Variants in NFAT5 observed in about 807,000 individuals in gnomAD.
NFAT5 encodes nuclear factor of activated T cells 5.
In NFAT5, 31 loss-of-function variants were observed where a neutral mutation model predicts 166.5. The ratio of observed to expected loss-of-function variants is 0.19; its 90% CI spans 0.14 to 0.25. NFAT5 has a LOEUF of 0.25. Among genes scored for constraint, NFAT5 ranks in the 10% least tolerant of loss-of-function variants. NFAT5 has a pLI of 1.00. For synonymous variants in NFAT5, 612 were observed against 639.7 expected, an observed-to-expected ratio of 0.96 and a Z score of 0.65; for missense variants, 1,449 against 1,821.8, an observed-to-expected ratio of 0.80 and a Z score of 3.72.
intron 3 of NFAT5, among the ~76,000 whole-genome samples, chr16:69,627,097 A>G (rs1049068800): frequency 2.6e-5 from 4 of 151,696 alleles, no homozygotes; most frequent in Admixed American, 2.6e-4. Context: ...ATAGAAAGTA[A>G]TGTTTGAAAT....
chr16:69,672,755 C>G (rs1053510309), intron 9 of NFAT5, among the ~76,000 whole-genome samples: 1 of 152,140 alleles, frequency 6.6e-6, no homozygotes, highest in Non-Finnish European at 1.5e-5. Flanking sequence ...TCATGCAGTA[C>G]TTTTGTATGC....
chr16:69,688,212 A>ACCAAAC (rs1555533466), intron 11 of NFAT5, among the ~76,000 whole-genome samples: 1 of 124,742 alleles, frequency 8.0e-6, no homozygotes, highest in Non-Finnish European at 1.6e-5. Context: ...CAAAAAAAAA[A>ACCAAAC]AAAAAAAAAA....
chr16:69,671,586 G>A lies in NFAT5; in HGVS notation c.1557+1298G>A, dbSNP rs561176952. Reference sequence around the variant, plus strand: ...GGGTTTCACCATGTTGGCCAGGATGGCCTCCATCTCCTGACCTCATGATCT... The same window carrying A: ...GGGTTTCACCATGTTGGCCAGGATGACCTCCATCTCCTGACCTCATGATCT... On this transcript the variant is annotated intron_variant, in intron 9 of 14. Coordinates refer to ENST00000349945, the MANE Select transcript of NFAT5 (RefSeq NM_138713.4). Among the ~76,000 whole-genome samples the A allele has an allele frequency of 2.0e-5, 3 of 152,290 alleles. No homozygotes were observed. In the East Asian group the frequency reaches 5.8e-4, roughly 29 times the overall value.
chr16:69,693,141 A>G lies in NFAT5; in HGVS notation c.3316A>G (p.Thr1106Ala). 1.2e-6 allele frequency: 2 copies of G among 1,613,986 alleles called. No individual in the cohort carries two copies. The highest frequency in any genetic ancestry group is 1.7e-6 in the Non-Finnish European group (2 of 1,179,986). Residue 1106 changes from threonine to alanine, a missense_variant, in exon 13 of 15, where the codon ACT (threonine) becomes GCT (alanine). Around this residue, in one of 7 missense-constraint regions of NFAT5, gnomAD observed 891 missense variants for 993.0 expected, o/e 0.90. Coordinates refer to ENST00000349945, the MANE Select transcript of NFAT5 (RefSeq NM_138713.4). ...IADAQNLSQE[T>A]QGSLFHSPNP... ...CGATGCTCAGAACCTTTCCCAGGAA[A>G]CTCAAGGTTCTCTCTTTCATAGTCC...
intron 12 of NFAT5, among the ~76,000 whole-genome samples, chr16:69,691,506 C>T (rs1239103139): frequency 1.3e-5 from 2 of 151,992 alleles, no homozygotes; most frequent in African/African-American, 4.8e-5. Flanking sequence ...TATCAATAGC[C>T]GATTATTCTA....
At chr16:69,597,230 C>T (rs184601903) in intron 2 of NFAT5, among the ~76,000 whole-genome samples, 185 of 152,054 alleles carry the variant, frequency 1.2e-3, no homozygotes, top group African/African-American at 4.3e-3. Flanking sequence ...ATGAAAGATT[C>T]GGTAAACCAA....
intron 11 of NFAT5, among the ~76,000 whole-genome samples, chr16:69,687,655 G>A (rs1459193405): frequency 6.6e-6 from 1 of 152,002 alleles, no homozygotes; most frequent in Non-Finnish European, 1.5e-5. Flanking sequence ...TTCCAGAAAG[G>A]GGGAGAAGAT....
chr16:69,582,662 G>T (rs1363871098), intron 2 of NFAT5, among the ~76,000 whole-genome samples: 1 of 149,756 alleles, frequency 6.7e-6, no homozygotes. Flanking sequence ...AAAATTAATT[G>T]GGCATAGATG....
At position 69,692,933 on chromosome 16, in the gene NFAT5, A is replaced by G; in HGVS notation, c.3108A>G (p.Gln1036=). 2 of 1,614,182 alleles carry G rather than the reference A, an allele frequency of 1.2e-6. No homozygotes were observed. Among genetic ancestry groups the G allele is most frequent in the South Asian group, 1.1e-5 (1 of 91,086 alleles). The change falls in exon 13 of 15, where the codon CAA becomes CAG. Residue 1036 remains glutamine (Q), a synonymous_variant. Transcript: ENST00000349945. ...MVQMQHSGDN[Q]PQVNLFSSTK... ...AAATGCAACATAGTGGGGACAATCA[A>G]CCTCAAGTTAACCTTTTTTCATCCA...
intron 11 of NFAT5, 200 bp downstream of exon 11, chr16:69,685,170 T>TTA (rs202010793): frequency 2.8e-3 from 432 of 152,316 alleles, no homozygotes; most frequent in East Asian, 0.01. Flanking sequence ...GAATATGTTT[T>TTA]TATATATATA....
chr16:69,618,996 G>A (rs947142689), intron 2 of NFAT5, among the ~76,000 whole-genome samples: 1 of 151,998 alleles, frequency 6.6e-6, no homozygotes, highest in Non-Finnish European at 1.5e-5. Context: ...TCTTATTTAC[G>A]GAGCTTTTTT....
rs112796022 is a variant in NFAT5, at chr16:69,690,930, G to A, written c.1775-10G>A. On this transcript the variant is annotated splice_polypyrimidine_tract_variant and intron_variant, in intron 11 of 14. Transcript: ENST00000349945. ...TTTAAACTTTTCTTTTTGTGTGTGT[G>A]TATATGCAGCAATGAAAACTACTGG... 2.0e-6 allele frequency: 3 copies of A among 1,512,598 alleles called. No homozygotes were observed. Among genetic ancestry groups the A allele is most frequent in the Non-Finnish European group, 2.7e-6 (3 of 1,131,306 alleles). The allele number at this position is 1,512,598 out of a possible 1,614,324, so 93.7% of individuals were successfully genotyped here.
intron 2 of NFAT5, among the ~76,000 whole-genome samples, chr16:69,589,904 C>T (rs1197970706): frequency 1.3e-5 from 2 of 152,134 alleles, no homozygotes; most frequent in East Asian, 1.9e-4. Flanking sequence ...CATCTGTGAT[C>T]CCAGCACTTT....
intron 2 of NFAT5, among the ~76,000 whole-genome samples, chr16:69,612,701 C>G (rs571357009): frequency 6.6e-6 from 1 of 150,804 alleles, no homozygotes; most frequent in South Asian, 2.1e-4. Context: ...TACACAGAGA[C>G]ACACACACAC....
Position 69,661,539 on chromosome 16 carries a change from TAAAAAA to T in NFAT5, c.1369+1663_1369+1668del, listed in dbSNP as rs1037382239. 5.5e-3 allele frequency among the ~76,000 whole-genome samples: 207 copies of T among 37,928 alleles called. 2 individuals are homozygous for T. Among genetic ancestry groups the T allele is most frequent in the African/African-American group, 0.022 (176 of 8,148 alleles). The allele number at this position is 37,928 out of a possible 152,430, so 24.9% of individuals were successfully genotyped here. A position where few individuals can be genotyped will look rare whatever the true frequency, so the allele number is the denominator to read the frequency against. ...AGCCTGTATAAGAGACCCAGTCTCT[TAAAAAA>T]AAAAAAAAAAAAAAAAAAAAAAGGA... On this transcript the variant is annotated intron_variant, in intron 7 of 14. Coordinates refer to ENST00000349945, the MANE Select transcript of NFAT5 (RefSeq NM_138713.4).
chr16:69,659,349 G>A (rs907927280), intron 6 of NFAT5, among the ~76,000 whole-genome samples: 3 of 151,870 alleles, frequency 2.0e-5, no homozygotes, highest in Non-Finnish European at 4.4e-5. Context: ...GGCTGAGGCA[G>A]GAGAATCCCT....
chr16:69,579,981 T>G (rs2031563776), intron 2 of NFAT5, among the ~76,000 whole-genome samples: 1 of 152,160 alleles, frequency 6.6e-6, no homozygotes, highest in Admixed American at 6.6e-5. Context: ...TATGAGTGCT[T>G]CTTAAATAAG....
chr16:69,567,470 T>TA (rs370482087), intron 1 of NFAT5, among the ~76,000 whole-genome samples: 1,809 of 151,468 alleles, frequency 0.012, 24 homozygotes, highest in Non-Finnish European at 0.017. Flanking sequence ...TTTCACCGTG[T>TA]AAAAAAAAAT....
chr16:69,688,208 A>AC (rs2037396240), intron 11 of NFAT5, among the ~76,000 whole-genome samples: 1 of 100,274 alleles, frequency 1.0e-5, no homozygotes, highest in African/African-American at 5.1e-5. Flanking sequence ...GTCTCAAAAA[A>AC]AAAAAAAAAA....
Sources: allele counts gnomAD v4.1 joint callset (sites outside exome capture counted in the v4.1 genomes callset), GRCh38; gene constraint gnomAD v4.1.1; regional missense constraint gnomAD v4.1.1; transcripts MANE v1.5; gene names NCBI Gene and HGNC (gene_info 2026-07-23, HGNC 2026-07-21).